JAZF1: variants seen among roughly 807,000 people sequenced by gnomAD.
JAZF1 encodes the protein juxtaposed with another zinc finger protein 1.
JAZF1 carries 8 observed loss-of-function variants against 26.4 expected under a neutral mutation model. That is an observed-to-expected ratio of 0.30 (90% CI 0.18 to 0.55). The LOEUF is 0.55. JAZF1 is among the 20% of genes least tolerant of loss of function. The probability of loss-of-function intolerance (pLI) is 0.94; values close to 1 mark genes in which losing one functional copy is unlikely to be tolerated. For missense variants in JAZF1, 199 were observed against 322.0 expected, an observed-to-expected ratio of 0.62 and a Z score of 2.92; for synonymous variants, 126 against 122.3, an observed-to-expected ratio of 1.03 and a Z score of -0.20.
chr7:27,831,196 TGAAG>T lies in JAZF1; in HGVS notation c.*1600_*1603del, dbSNP rs1279155780. On this transcript the variant is annotated 3_prime_UTR_variant, in exon 5 of 5. Coordinates refer to ENST00000283928, the MANE Select transcript of JAZF1 (RefSeq NM_175061.4). ...TATAAATACTTTGAATCCCTCATAA[TGAAG>T]GATTTTAGAACTTATGAATATAGAG... is the stretch of plus-strand genomic sequence containing the variant. The T allele has an allele frequency of 1.8e-5, 4 of 223,140 alleles. No homozygotes were observed. Among genetic ancestry groups the T allele is most frequent in the African/African-American group, 2.2e-5 (1 of 44,766 alleles). 13.8% of individuals were successfully genotyped at this position (223,140 alleles called of 1,614,324 possible).
chr7:28,050,167 A>G (rs1783587996), intron 1 of JAZF1, among the ~76,000 whole-genome samples: 1 of 152,174 alleles, frequency 6.6e-6, no homozygotes, highest in Admixed American at 6.5e-5. Flanking sequence ...ACCAAATATT[A>G]GAATTAAAGA....
rs946690599 is a variant in JAZF1, at chr7:27,832,343, A to G, written c.*457T>C. 1 of 220,224 alleles carries G rather than the reference A, an allele frequency of 4.5e-6. No homozygotes were observed. The highest frequency in any genetic ancestry group is 2.2e-5 in the African/African-American group (1 of 44,658). 13.6% of individuals were successfully genotyped at this position (220,224 alleles called of 1,614,324 possible). The stretch of plus-strand genomic sequence containing the variant: ...AAATACTAACTCCATTATGTAAGGC[A>G]TGGTAACCAGTTTGATAATGAAGGT... On this transcript the variant is annotated 3_prime_UTR_variant, in exon 5 of 5. Coordinates refer to ENST00000283928, the MANE Select transcript of JAZF1 (RefSeq NM_175061.4).
Position 28,110,621 on chromosome 7 carries a change from AAAGG to A in JAZF1, c.115+69838_115+69841del, listed in dbSNP as rs1448568418. Among the ~76,000 whole-genome samples the A allele has an allele frequency of 3.0e-4, 23 of 76,168 alleles. No individual in the cohort carries two copies. In the East Asian group the frequency reaches 9.5e-3, roughly 32 times the overall value. 50.0% of individuals were successfully genotyped at this position (76,168 alleles called of 152,430 possible). ...GGAAAAGGAAAAGGAAAGGAAAAGG[AAAGG>A]AAAGGAAAGGAAAAGGAAAGGAAAG... On this transcript the variant is annotated intron_variant, in intron 1 of 4. Coordinates refer to ENST00000283928, the MANE Select transcript of JAZF1 (RefSeq NM_175061.4).
At chr7:27,939,222 CT>C (rs1784806152) in intron 2 of JAZF1, among the ~76,000 whole-genome samples, 2 of 152,220 alleles carry the variant, frequency 1.3e-5, no homozygotes, top group South Asian at 4.1e-4. Context: ...CAGGAATTCT[CT>C]GCTTAAAATA....
At chr7:28,040,793 T>C (rs1448222056) in intron 1 of JAZF1, among the ~76,000 whole-genome samples, 1 of 152,142 alleles carries the variant, frequency 6.6e-6, no homozygotes, top group South Asian at 2.1e-4. Context: ...GGAATGGAAT[T>C]CAGAGATGGA....
At chr7:27,914,807 C>G (rs752569421) in intron 2 of JAZF1, 4 of 471,162 alleles carry the variant, frequency 8.5e-6, no homozygotes, top group South Asian at 6.2e-5. Context: ...TGCCCAATGT[C>G]CCTACAGGAA....
At position 27,921,097 on chromosome 7, in the gene JAZF1, C is replaced by T. The variant is rs572762700; in HGVS notation, c.189-25681G>A. On this transcript the variant is annotated intron_variant, in intron 2 of 4. Transcript: ENST00000283928. ...TACTACTAACCGGCAGTTACAAGTA[C>T]CAGTTTTAGTTTCAATAATTAAATG... Among the ~76,000 whole-genome samples the T allele has an allele frequency of 8.5e-5, 13 of 152,294 alleles. No individual in the cohort carries two copies. In the South Asian group the frequency reaches 1.2e-3, roughly 15 times the overall value.
intron 2 of JAZF1, among the ~76,000 whole-genome samples, chr7:27,945,309 G>A (rs1477167479): frequency 6.6e-6 from 1 of 152,038 alleles, no homozygotes; most frequent in African/African-American, 2.4e-5. Flanking sequence ...GAAGCCCAGC[G>A]GGGCAAGCCA....
chr7:28,133,881 C>G (rs1052425768), intron 1 of JAZF1, among the ~76,000 whole-genome samples: 2 of 152,216 alleles, frequency 1.3e-5, no homozygotes, highest in African/African-American at 4.8e-5. Flanking sequence ...TTCCCTGACC[C>G]TAACCAATGT....
intron 1 of JAZF1, among the ~76,000 whole-genome samples, chr7:28,171,652 G>C (rs1367418617): frequency 6.6e-6 from 1 of 152,158 alleles, no homozygotes; most frequent in Admixed American, 6.5e-5. Flanking sequence ...TTTCTGTCCT[G>C]AAGAAAAATA....
At chr7:27,959,053 C>T (rs956920610) in intron 2 of JAZF1, among the ~76,000 whole-genome samples, 9 of 152,160 alleles carry the variant, frequency 5.9e-5, no homozygotes, top group South Asian at 4.1e-4. Flanking sequence ...GAGGAAATGC[C>T]TACTGAGTGG....
At chr7:27,979,365 CAT>C (rs1785535350) in intron 2 of JAZF1, among the ~76,000 whole-genome samples, 1 of 104,660 alleles carries the variant, frequency 9.6e-6, no homozygotes, top group African/African-American at 3.5e-5. Flanking sequence ...AGGTACACTA[CAT>C]TTTTTTTTTT....
At chr7:28,001,351 CAAAAAAAACA>C (rs540429369) in intron 1 of JAZF1, among the ~76,000 whole-genome samples, 1 of 146,558 alleles carries the variant, frequency 6.8e-6, no homozygotes, top group South Asian at 2.3e-4. Context: ...GACCCTGTCT[CAAAAAAAACA>C]AAACAAAACA....
At chr7:28,045,723 T>G (rs1447953359) in intron 1 of JAZF1, among the ~76,000 whole-genome samples, 4 of 152,094 alleles carry the variant, frequency 2.6e-5, no homozygotes, top group African/African-American at 9.7e-5. Context: ...ACTACAGGCA[T>G]GCTATACCAT....
intron 1 of JAZF1, among the ~76,000 whole-genome samples, chr7:28,132,471 TTCAAGGACATGGAAAG>T: frequency 6.6e-6 from 1 of 152,192 alleles, no homozygotes. Context: ...AGGAGTCAAC[TTCAAGGACATGGAAAG>T]ATTCTTAAGG....
intron 1 of JAZF1, among the ~76,000 whole-genome samples, chr7:28,008,091 C>G (rs1348234158): frequency 6.6e-6 from 1 of 152,168 alleles, no homozygotes; most frequent in Non-Finnish European, 1.5e-5. Context: ...AGTCCAGGTT[C>G]TAACTATTTC....
At chr7:27,968,037 CTT>C (rs1211160400) in intron 2 of JAZF1, among the ~76,000 whole-genome samples, 1 of 152,180 alleles carries the variant, frequency 6.6e-6, no homozygotes, top group African/African-American at 2.4e-5. Context: ...TAATCTCTCT[CTT>C]TATAGTAGTC....
At chr7:28,072,444 A>G (rs1311591030) in intron 1 of JAZF1, among the ~76,000 whole-genome samples, 1 of 152,248 alleles carries the variant, frequency 6.6e-6, no homozygotes, top group Non-Finnish European at 1.5e-5. Flanking sequence ...TTACTTATGG[A>G]TATGGCTATA....
At chr7:28,038,148 A>G (rs933598681) in intron 1 of JAZF1, among the ~76,000 whole-genome samples, 2 of 152,230 alleles carry the variant, frequency 1.3e-5, no homozygotes, top group Non-Finnish European at 2.9e-5. Context: ...AATACAAAGA[A>G]CAGAGGAGAA....
Sources: allele counts gnomAD v4.1 joint callset (sites outside exome capture counted in the v4.1 genomes callset), GRCh38; gene constraint gnomAD v4.1.1; transcripts MANE v1.5; gene names NCBI Gene and HGNC (gene_info 2026-07-23, HGNC 2026-07-21).